The following HERC3 variants were observed in gnomAD, a reference collection of about 807,000 sequenced individuals.
HERC3 encodes HECT and RLD domain containing E3 ubiquitin protein ligase 3, also known as probable E3 ubiquitin-protein ligase HERC3.
A neutral mutation model predicts 129.9 loss-of-function variants in HERC3; 58 were observed. The ratio of observed to expected loss-of-function variants is 0.45; its 90% CI spans 0.36 to 0.56. The LOEUF (loss-of-function observed/expected upper bound fraction) is 0.56, where lower values mean the gene tolerates loss of function less well. Among genes scored for constraint, HERC3 ranks in the 20% least tolerant of loss-of-function variants. HERC3 has a pLI of 0.00. For synonymous variants in HERC3, 430 were observed against 451.0 expected, an observed-to-expected ratio of 0.95 and a Z score of 0.59; for missense variants, 835 against 1,244.2, an observed-to-expected ratio of 0.67 and a Z score of 4.95.
the HERC3 span, among the ~76,000 whole-genome samples, chr4:88,557,827 C>T: frequency 2.0e-5 from 3 of 151,856 alleles, no homozygotes; most frequent in East Asian, 1.9e-4. Context: ...GAGGCTGAGG[C>T]GGGCAGATCA....
At chr4:88,524,074 A>G in the HERC3 span, 2 of 292,060 alleles carry the variant, frequency 6.8e-6, no homozygotes, top group South Asian at 8.1e-5. Flanking sequence ...GCTTGGACCT[A>G]CGTGGTTACC....
At chr4:88,674,884 GT>G (rs1218981669) in intron 16 of HERC3, among the ~76,000 whole-genome samples, 1 of 152,088 alleles carries the variant, frequency 6.6e-6, no homozygotes, top group Non-Finnish European at 1.5e-5. Flanking sequence ...GTTATAAAGG[GT>G]TAACAGGGTA....
intron 14 of HERC3, among the ~76,000 whole-genome samples, chr4:88,669,600 T>G (rs1731403002): frequency 6.6e-6 from 1 of 152,224 alleles, no homozygotes; most frequent in Admixed American, 6.5e-5. Flanking sequence ...AGTCTGGAAT[T>G]GGACTTTTAA....
At chr4:88,617,186 A>AG (rs1219757872) in intron 3 of HERC3, among the ~76,000 whole-genome samples, 83 of 150,564 alleles carry the variant, frequency 5.5e-4, no homozygotes, top group Middle Eastern at 3.4e-3. Flanking sequence ...AAAAAAAAAA[A>AG]AAAAAAAAAA....
At chr4:88,656,633 G>A (rs1244079525) in intron 9 of HERC3, 1 of 152,580 alleles carries the variant, frequency 6.6e-6, no homozygotes, top group Non-Finnish European at 1.5e-5. Flanking sequence ...AATTCAACAT[G>A]AGTTTTGACC....
intron 3 of HERC3, among the ~76,000 whole-genome samples, chr4:88,617,330 T>G (rs1384164276): frequency 2.6e-5 from 4 of 152,054 alleles, no homozygotes; most frequent in African/African-American, 7.2e-5. Context: ...TTCAAAGTCA[T>G]ACTAATAAGA....
At chr4:88,704,401 T>C in intron 24 of HERC3, 107 bp from the exon 25 acceptor site, 1 of 1,212,688 alleles carries the variant, frequency 8.2e-7, no homozygotes, top group Non-Finnish European at 1.2e-6. Flanking sequence ...TTTAGAGGTG[T>C]CCTGTATCTC....
At chr4:88,676,128 T>A (rs1732138311) in intron 16 of HERC3, 90 bp from the exon 17 acceptor site, 8 of 946,720 alleles carry the variant, frequency 8.5e-6, no homozygotes, top group Non-Finnish European at 1.3e-5. Flanking sequence ...AGATTGGTTC[T>A]GTGTTTTGTT....
At chr4:88,611,906 C>T (rs760145695) in intron 3 of HERC3, among the ~76,000 whole-genome samples, 1 of 152,084 alleles carries the variant, frequency 6.6e-6, no homozygotes, top group Non-Finnish European at 1.5e-5. Context: ...TGCAAACAAC[C>T]CTGGGAGCCA....
intron 3 of HERC3, among the ~76,000 whole-genome samples, chr4:88,636,966 C>G (rs572790796): frequency 6.6e-6 from 1 of 152,202 alleles, no homozygotes; most frequent in South Asian, 2.1e-4. Context: ...CCCATCTCTA[C>G]TAAAATACAA....
chr4:88,571,766 A>C, the HERC3 span, among the ~76,000 whole-genome samples: 2 of 152,260 alleles, frequency 1.3e-5, no homozygotes, highest in Admixed American at 6.5e-5. Flanking sequence ...CTCCAGTTTG[A>C]ATATTGTTTA....
intron 3 of HERC3, among the ~76,000 whole-genome samples, chr4:88,635,057 G>GA (rs1291487822): frequency 1.3e-5 from 2 of 151,942 alleles, no homozygotes; most frequent in African/African-American, 4.8e-5. Flanking sequence ...AAGAATCAAT[G>GA]AAAAAAACGC....
rs550457250 is a variant in HERC3, at chr4:88,697,726, G to T, written c.2658-6372G>T. ...CGCTGCCGCCGCCTGGCTAGGCTCC[G>T]CAGGCCCCTGGTTTTCCGAGTCGGC... On this transcript the variant is annotated intron_variant, in intron 23 of 25. Transcript: ENST00000402738. The T allele has an allele frequency of 1.9e-6, 3 of 1,610,800 alleles. No homozygotes were observed. Among genetic ancestry groups the T allele is most frequent in the African/African-American group, 2.7e-5 (2 of 74,988 alleles).
intron 10 of HERC3, among the ~76,000 whole-genome samples, chr4:88,660,365 G>C (rs1730363948): frequency 6.6e-6 from 1 of 151,948 alleles, no homozygotes; most frequent in South Asian, 2.1e-4. Context: ...CCATGCCTGG[G>C]TAATTTTTTT....
the HERC3 span, among the ~76,000 whole-genome samples, chr4:88,546,429 C>A: frequency 1.3e-5 from 2 of 152,098 alleles, no homozygotes; most frequent in Non-Finnish European, 2.9e-5. Flanking sequence ...TATTGACTAC[C>A]AAATCTGGTA....
chr4:88,594,110 A>T lies in HERC3; in HGVS notation c.-87-1447A>T, dbSNP rs533744818. 3.9e-5 allele frequency among the ~76,000 whole-genome samples: 6 copies of T among 152,376 alleles called. No individual in the cohort carries two copies. In the East Asian group the frequency reaches 1.2e-3, roughly 29 times the overall value. ...ACAAAATTAGCACATTAGCACTAGC[A>T]TCCAGTTCTTGTTCAGTAAGTAGCT... On this transcript the variant is annotated intron_variant, in intron 1 of 25. Coordinates refer to ENST00000402738, the MANE Select transcript of HERC3 (RefSeq NM_014606.3).
At chr4:88,684,533 T>C (rs144490377) in intron 21 of HERC3, among the ~76,000 whole-genome samples, 5 of 152,250 alleles carry the variant, frequency 3.3e-5, no homozygotes, top group African/African-American at 1.2e-4. Flanking sequence ...GAAGAAAATC[T>C]AGGCAATACC....
chr4:88,639,487 A>G (rs931387169), intron 3 of HERC3, among the ~76,000 whole-genome samples: 1 of 152,214 alleles, frequency 6.6e-6, no homozygotes, highest in African/African-American at 2.4e-5. Context: ...AACAATGGGG[A>G]AAGGATTTTC....
chr4:88,641,199 T>G (rs1224657050), intron 3 of HERC3, among the ~76,000 whole-genome samples: 1 of 152,216 alleles, frequency 6.6e-6, no homozygotes, highest in African/African-American at 2.4e-5. Flanking sequence ...GCAGCAGCCT[T>G]ATAAATAATC....
Sources: gnomAD v4.1 joint callset for allele counts (sites outside exome capture counted in the v4.1 genomes callset) on GRCh38, gnomAD v4.1.1 for gene constraint, MANE v1.5 for transcripts, NCBI Gene and HGNC (gene_info 2026-07-23, HGNC 2026-07-21) for gene names.